Variants in FAR2 observed in about 807,000 individuals in gnomAD.
FAR2 encodes the protein epididymis secretory protein Li 81.
FAR2 carries 19 observed loss-of-function variants against 56.0 expected under a neutral mutation model. The ratio of observed to expected loss-of-function variants is 0.34; its 90% confidence interval spans 0.24 to 0.50. The LOEUF (loss-of-function observed/expected upper bound fraction) is 0.50, where lower values mean the gene tolerates loss of function less well. FAR2 is among the 20% of genes least tolerant of loss of function. The pLI, the probability that FAR2 is intolerant of heterozygous loss-of-function variation, is 0.98. For synonymous variants in FAR2, 219 were observed against 218.8 expected (o/e 1.00, Z -0.01); for missense variants, 508 against 642.2 (o/e 0.79, Z 2.26).
At chr12:29,317,537 A>C (rs1401385257) in intron 9 of FAR2, among the ~76,000 whole-genome samples, 1 of 152,244 alleles carries the variant, frequency 6.6e-6, no homozygotes, top group Non-Finnish European at 1.5e-5. Context: ...GAAGCCACAA[A>C]AGACATTAAA....
At chr12:29,279,845 G>GATA in intron 2 of FAR2, among the ~76,000 whole-genome samples, 1 of 152,018 alleles carries the variant, frequency 6.6e-6, no homozygotes, top group Admixed American at 6.5e-5. Context: ...AACTGTATCT[G>GATA]ATAATAATAG....
chr12:29,232,820 C>T (rs772144702), intron 1 of FAR2, among the ~76,000 whole-genome samples: 10 of 138,586 alleles, frequency 7.2e-5, no homozygotes, highest in Middle Eastern at 3.5e-3. Flanking sequence ...TACGCGCTCG[C>T]GCACACACAC....
At chr12:29,277,283 A>C (rs1459891708) in intron 2 of FAR2, 1 of 152,208 alleles carries the variant, frequency 6.6e-6, no homozygotes, top group African/African-American at 2.4e-5. Flanking sequence ...GCCATAAAAT[A>C]GTTTTAATGC....
intron 1 of FAR2, among the ~76,000 whole-genome samples, chr12:29,231,417 C>A (rs1401811992): frequency 6.6e-6 from 1 of 152,088 alleles, no homozygotes; most frequent in Non-Finnish European, 1.5e-5. Flanking sequence ...ACAGGAAAAA[C>A]TGGAATAGGA....
intron 1 of FAR2, among the ~76,000 whole-genome samples, chr12:29,263,947 A>G (rs1948468262): frequency 6.6e-6 from 1 of 152,130 alleles, no homozygotes; most frequent in Non-Finnish European, 1.5e-5. Flanking sequence ...AATACTTCCA[A>G]ACTCATTTTA....
intron 1 of FAR2, among the ~76,000 whole-genome samples, chr12:29,267,580 C>G (rs755517346): frequency 1.3e-5 from 2 of 152,134 alleles, no homozygotes; most frequent in Non-Finnish European, 2.9e-5. Flanking sequence ...TTTCTGAGCT[C>G]CAAAGCAGGC....
At chr12:29,218,328 C>T (rs902216475) in intron 1 of FAR2, among the ~76,000 whole-genome samples, 7 of 148,710 alleles carry the variant, frequency 4.7e-5, no homozygotes, top group African/African-American at 1.7e-4. Context: ...CACTGCACTC[C>T]AGTCTGGGTG....
rs369960829 is a variant in FAR2, at chr12:29,311,106, A to G, written c.847A>G (p.Asn283Asp). 2 of 1,613,596 alleles carry G rather than the reference A, an allele frequency of 1.2e-6. No homozygotes were observed. The highest frequency in any genetic ancestry group is 1.7e-6 in the Non-Finnish European group (2 of 1,179,624). The change falls in exon 7 of 12, where the codon AAT (asparagine) becomes GAT (aspartate). Residue 283 changes from asparagine to aspartate, a missense_variant. Physicochemically the swap from Asn to Asp is conservative, Grantham distance 23. Transcript: ENST00000536681. ...ADVIPVDTVVNLMLAVGWYTA... is the reference protein window; with the variant it reads ...ADVIPVDTVVDLMLAVGWYTA... The stretch of plus-strand genomic sequence containing the variant: ...CGTAATTCCAGTTGATACAGTCGTC[A>G]ATCTCATGCTAGCTGTAGGATGGTA...
chr12:29,279,306 A>C (rs1413319552), intron 2 of FAR2, among the ~76,000 whole-genome samples: 1 of 152,218 alleles, frequency 6.6e-6, no homozygotes, highest in African/African-American at 2.4e-5. Context: ...AGAATCAAAC[A>C]ACAAAAAGAG....
intron 1 of FAR2, among the ~76,000 whole-genome samples, chr12:29,226,175 T>TA (rs1179244759): frequency 6.6e-6 from 1 of 152,234 alleles, no homozygotes; most frequent in Non-Finnish European, 1.5e-5. Flanking sequence ...TAGTGATTCT[T>TA]ATCTATTTTG....
At chr12:29,188,159 T>C (rs1950062021) in intron 1 of FAR2, among the ~76,000 whole-genome samples, 1 of 152,250 alleles carries the variant, frequency 6.6e-6, no homozygotes, top group Non-Finnish European at 1.5e-5. Flanking sequence ...ACTATATTTT[T>C]CTTCTAGTTC....
chr12:29,295,399 C>T (rs1949046125), intron 3 of FAR2, among the ~76,000 whole-genome samples: 2 of 152,090 alleles, frequency 1.3e-5, no homozygotes, highest in Non-Finnish European at 2.9e-5. Context: ...TAGAATTTTC[C>T]TTACTGTTCT....
intron 2 of FAR2, among the ~76,000 whole-genome samples, chr12:29,282,607 T>A (rs1948805774): frequency 6.6e-6 from 1 of 152,114 alleles, no homozygotes; most frequent in African/African-American, 2.4e-5. Context: ...GCTTGGAAAT[T>A]TTTTTTTAAA....
At chr12:29,206,939 G>C (rs1379142340) in intron 1 of FAR2, among the ~76,000 whole-genome samples, 1 of 152,078 alleles carries the variant, frequency 6.6e-6, no homozygotes, top group Non-Finnish European at 1.5e-5. Context: ...GATGCCACCA[G>C]CCGGGCACAG....
Position 29,334,061 on chromosome 12 carries a change from G to A in FAR2, c.*267G>A, listed in dbSNP as rs1204855261. 3.6e-6 allele frequency: 1 copy of A among 281,182 alleles called. No individual in the cohort carries two copies. The highest frequency in any genetic ancestry group is 6.6e-6 in the Non-Finnish European group (1 of 151,612). The allele number at this position is 281,182 out of a possible 1,614,324, so 17.4% of individuals were successfully genotyped here. ...TTTTATGCCCTTGCGTATTAAACGT[G>A]AAAGTACTCCCACTTTTCTATATTT... On this transcript the variant is annotated 3_prime_UTR_variant, in exon 12 of 12. Coordinates refer to ENST00000536681, the MANE Select transcript of FAR2 (RefSeq NM_001271783.2).
At chr12:29,191,090 G>A (rs1313940533) in intron 1 of FAR2, among the ~76,000 whole-genome samples, 2 of 152,206 alleles carry the variant, frequency 1.3e-5, no homozygotes, top group Admixed American at 6.5e-5. Context: ...TCTGGGAGTA[G>A]GCAGTGGAAG....
chr12:29,184,173 A>G (rs1950016625), intron 1 of FAR2, among the ~76,000 whole-genome samples: 1 of 152,214 alleles, frequency 6.6e-6, no homozygotes, highest in Non-Finnish European at 1.5e-5. Flanking sequence ...TCTCCTCTAT[A>G]AAGGACCTTA....
chr12:29,273,368 C>A (rs1005039430), intron 2 of FAR2, among the ~76,000 whole-genome samples: 1 of 152,144 alleles, frequency 6.6e-6, no homozygotes, highest in Non-Finnish European at 1.5e-5. Context: ...GGAAGCCCCT[C>A]CCCCACCAAC....
chr12:29,292,810 A>G (rs371556960), intron 2 of FAR2, among the ~76,000 whole-genome samples: 2 of 152,190 alleles, frequency 1.3e-5, no homozygotes, highest in South Asian at 2.1e-4. Context: ...TGTTACTGCA[A>G]TTCTGAAGAT....
Sources: gnomAD v4.1 joint callset for allele counts (sites outside exome capture counted in the v4.1 genomes callset) on GRCh38, gnomAD v4.1.1 for gene constraint, MANE v1.5 for transcripts, NCBI Gene and HGNC (gene_info 2026-07-23, HGNC 2026-07-21) for gene names.